LRCH1: variants seen among roughly 807,000 people sequenced by gnomAD.
The protein encoded by LRCH1 is leucine-rich repeat and calponin homology domain-containing protein 1.
Under a neutral mutation model 94.9 loss-of-function variants are expected in LRCH1, and 23 were observed. That is an observed-to-expected ratio of 0.24 (90% CI 0.17 to 0.34). LRCH1 has a LOEUF of 0.34. Ranked by LOEUF, LRCH1 falls within the 10% of genes least tolerant of loss-of-function variation. The pLI, the probability that LRCH1 is intolerant of heterozygous loss-of-function variation, is 1.00. For missense variants in LRCH1, 790 were observed against 945.9 expected (o/e 0.84, Z 2.16); for synonymous variants, 364 against 354.9 (o/e 1.03, Z -0.29).
At chr13:46,684,588 A>G (rs1298594552) in intron 4 of LRCH1, among the ~76,000 whole-genome samples, 1 of 152,188 alleles carries the variant, frequency 6.6e-6, no homozygotes, top group Admixed American at 6.5e-5. Context: ...TGATATTGCT[A>G]GGGGAAACAG....
intron 1 of LRCH1, among the ~76,000 whole-genome samples, chr13:46,648,134 G>A (rs959319966): frequency 2.6e-5 from 4 of 152,190 alleles, no homozygotes; most frequent in African/African-American, 9.7e-5. Context: ...ATCTGAGGGG[G>A]ATGGGAGACA....
At position 46,687,914 on chromosome 13, in the gene LRCH1, G is replaced by T; in HGVS notation, c.885G>T (p.Lys295Asn). The change falls in exon 6 of 20, where the codon AAG becomes AAT. Residue 295 changes from lysine to asparagine, a missense_variant. Lys to Asn is a moderately conservative substitution (Grantham distance 94). Around this residue, in one of 3 missense-constraint regions of LRCH1, gnomAD observed 194 missense variants for 293.5 expected, o/e 0.66. Transcript: ENST00000389797. ...TGAGCATACAAGCATGCCAGATTAAGACAGCTGACTCCCTTTATCTCCACA... is the reference window on the plus strand; with the variant it reads ...TGAGCATACAAGCATGCCAGATTAATACAGCTGACTCCCTTTATCTCCACA... ...KYLSIQACQI[K>N]TADSLYLHTM... 6.2e-7 allele frequency: 1 copy of T among 1,613,510 alleles called. No individual in the cohort carries two copies. The highest frequency in any genetic ancestry group is 8.5e-7 in the Non-Finnish European group (1 of 1,179,666).
At chr13:46,708,897 G>A (rs546030195) in intron 13 of LRCH1, among the ~76,000 whole-genome samples, 1 of 152,188 alleles carries the variant, frequency 6.6e-6, no homozygotes, top group Admixed American at 6.5e-5. Flanking sequence ...CTTGAAGTGG[G>A]ACCCGACTCA....
At chr13:46,601,728 G>C (rs2050630906) in intron 1 of LRCH1, among the ~76,000 whole-genome samples, 1 of 152,144 alleles carries the variant, frequency 6.6e-6, no homozygotes, top group Non-Finnish European at 1.5e-5. Flanking sequence ...CTGCTCTGTT[G>C]GGTTTCTTTT....
chr13:46,734,058 G>A (rs1208621628), intron 19 of LRCH1, 60 bp downstream of exon 19: 1 of 883,706 alleles, frequency 1.1e-6, no homozygotes, highest in African/African-American at 1.7e-5. Flanking sequence ...TAATATATGA[G>A]TTTGAACCAT....
chr13:46,664,384 C>T (rs2051488275), intron 2 of LRCH1, among the ~76,000 whole-genome samples: 1 of 152,160 alleles, frequency 6.6e-6, no homozygotes, highest in South Asian at 2.1e-4. Context: ...AACATCTGAG[C>T]ATAACACATT....
At chr13:46,709,447 C>T (rs1871943118) in intron 13 of LRCH1, among the ~76,000 whole-genome samples, 1 of 152,170 alleles carries the variant, frequency 6.6e-6, no homozygotes, top group Non-Finnish European at 1.5e-5. Context: ...GCACCCTTGC[C>T]TCCAGAGTGA....
At chr13:46,616,523 T>C (rs1289560828) in intron 1 of LRCH1, among the ~76,000 whole-genome samples, 1 of 152,196 alleles carries the variant, frequency 6.6e-6, no homozygotes, top group Non-Finnish European at 1.5e-5. Context: ...AAAATGAAAG[T>C]GTAATGTCTT....
chr13:46,651,912 G>T (rs1232449600), intron 2 of LRCH1, among the ~76,000 whole-genome samples: 1 of 112,814 alleles, frequency 8.9e-6, no homozygotes, highest in Non-Finnish European at 1.8e-5. Flanking sequence ...TTTTGAGACG[G>T]AGTCTTGCTC....
At chr13:46,721,066 A>G (rs1031369071) in intron 16 of LRCH1, among the ~76,000 whole-genome samples, 1 of 152,190 alleles carries the variant, frequency 6.6e-6, no homozygotes, top group Non-Finnish European at 1.5e-5. Context: ...GATACAAAGG[A>G]ATGCAAAATT....
At chr13:46,597,228 C>T (rs2050574061) in intron 1 of LRCH1, among the ~76,000 whole-genome samples, 1 of 152,186 alleles carries the variant, frequency 6.6e-6, no homozygotes, top group Admixed American at 6.5e-5. Context: ...TGCCTCAGTT[C>T]TCATACTGTA....
At chr13:46,675,742 C>T (rs973457739) in intron 3 of LRCH1, among the ~76,000 whole-genome samples, 4 of 152,154 alleles carry the variant, frequency 2.6e-5, no homozygotes, top group African/African-American at 9.7e-5. Flanking sequence ...CTGGAGGCGC[C>T]TCCTAACCTC....
At chr13:46,587,957 G>T (rs1249263653) in intron 1 of LRCH1, among the ~76,000 whole-genome samples, 1 of 152,142 alleles carries the variant, frequency 6.6e-6, no homozygotes, top group Non-Finnish European at 1.5e-5. Flanking sequence ...GTATGTAAGG[G>T]ATGCTGGGGC....
At position 46,619,064 on chromosome 13, in the gene LRCH1, T is replaced by TTTCCTTCCTTCCTTCCTTCC. The variant is rs764734614; in HGVS notation, c.308-31106_308-31087dup. 1.6e-3 allele frequency among the ~76,000 whole-genome samples: 188 copies of TTTCCTTCCTTCCTTCCTTCC among 114,702 alleles called. 1 individual carries two copies. The highest frequency in any genetic ancestry group is 4.8e-3 in the South Asian group (16 of 3,316). The allele number at this position is 114,702 out of a possible 152,430, so 75.2% of individuals were successfully genotyped here. ...AGTTCTCTTTTCTTTTCTTTTCTTT[T>TTTCCTTCCTTCCTTCCTTCC]TTCCTTCCTTCCTTCCTTCCTTCCT... On this transcript the variant is annotated intron_variant, in intron 1 of 19. Coordinates refer to ENST00000389797, the MANE Select transcript of LRCH1 (RefSeq NM_001164211.2).
At chr13:46,720,779 T>C (rs1361693202) in intron 16 of LRCH1, among the ~76,000 whole-genome samples, 1 of 152,210 alleles carries the variant, frequency 6.6e-6, no homozygotes, top group Admixed American at 6.5e-5. Context: ...GGTGAAGTTA[T>C]TCTGTTGTAA....
intron 1 of LRCH1, among the ~76,000 whole-genome samples, chr13:46,628,672 A>AC (rs1566186471): frequency 6.6e-6 from 1 of 151,614 alleles, no homozygotes; most frequent in Non-Finnish European, 1.5e-5. Context: ...AGAAAAAAAA[A>AC]AAAAAAACAC....
At chr13:46,659,673 T>C (rs2051420199) in intron 2 of LRCH1, among the ~76,000 whole-genome samples, 1 of 152,152 alleles carries the variant, frequency 6.6e-6, no homozygotes, top group Admixed American at 6.5e-5. Context: ...AAAGCTTGTT[T>C]GTGTGTGGGT....
chr13:46,672,207 A>G (rs1437968529), intron 3 of LRCH1, among the ~76,000 whole-genome samples: 1 of 151,966 alleles, frequency 6.6e-6, no homozygotes, highest in Non-Finnish European at 1.5e-5. Flanking sequence ...ATGTTTTTCT[A>G]TGGCTTGACG....
intron 4 of LRCH1, among the ~76,000 whole-genome samples, chr13:46,685,453 G>C (rs1378580880): frequency 6.6e-6 from 1 of 152,136 alleles, no homozygotes; most frequent in Non-Finnish European, 1.5e-5. Context: ...AATATATTTA[G>C]TGTAGCTAGT....
Sources: allele counts gnomAD v4.1 joint callset (sites outside exome capture counted in the v4.1 genomes callset), GRCh38; gene constraint gnomAD v4.1.1; regional missense constraint gnomAD v4.1.1; transcripts MANE v1.5; gene names NCBI Gene and HGNC (gene_info 2026-07-23, HGNC 2026-07-21).